Variants in MCUB observed in about 807,000 individuals in gnomAD.
The protein encoded by MCUB is mitochondrial calcium uniporter dominant negative subunit beta, also known as calcium uniporter regulatory subunit MCUb, mitochondrial.
Under a neutral mutation model 41.4 loss-of-function variants are expected in MCUB, and 46 were observed. The observed-to-expected ratio is 1.11, with a 90% CI of 0.88 to 1.42. The LOEUF is 1.42. Among genes scored for constraint, MCUB ranks in the 40% most tolerant of loss-of-function variants. The pLI, the probability that MCUB is intolerant of heterozygous loss-of-function variation, is 0.00. For missense variants in MCUB, 403 were observed against 404.9 expected (o/e 1.00, Z 0.04); for synonymous variants, 148 against 148.2 (o/e 1.00, Z 0.01).
intron 1 of MCUB, among the ~76,000 whole-genome samples, chr4:109,599,710 G>A (rs1438833017): frequency 3.3e-5 from 5 of 150,912 alleles, no homozygotes; most frequent in Admixed American, 6.6e-5. Flanking sequence ...TCGCTCTGTC[G>A]CCCAGGCTGG....
In MCUB at chr4:109,603,499, G is replaced by T. The variant is rs192277579; in HGVS notation, c.99+43063G>T. Reference sequence around the variant, plus strand: ...GCCTCCCAAAGTGCTGAAGATTGCAGCCTCTGCCCGGCCGCCACCCCGTCT... The same window carrying T: ...GCCTCCCAAAGTGCTGAAGATTGCATCCTCTGCCCGGCCGCCACCCCGTCT... On this transcript the variant is annotated intron_variant, in intron 1 of 7. Coordinates refer to ENST00000394650, the MANE Select transcript of MCUB (RefSeq NM_017918.5). Among the ~76,000 whole-genome samples the T allele has an allele frequency of 4.6e-3, 708 of 152,294 alleles. 3 individuals carry two copies. Among genetic ancestry groups the T allele is most frequent in the Non-Finnish European group, 7.2e-3 (491 of 68,018 alleles).
In MCUB at chr4:109,612,889, A is replaced by G. The variant is rs191232927; in HGVS notation, c.100-46122A>G. Among the ~76,000 whole-genome samples the G allele has an allele frequency of 5.5e-3, 842 of 152,182 alleles. 1 individual carries two copies. Among genetic ancestry groups the G allele is most frequent in the African/African-American group, 7.0e-3 (291 of 41,546 alleles). On this transcript the variant is annotated intron_variant, in intron 1 of 7. Transcript: ENST00000394650. ...TGGGAGGCCAAGGCGGGCGGATCAC[A>G]AGGTCAGGAGATCAAGACCATCCTG...
chr4:109,603,609 G>T (rs1044079360), intron 1 of MCUB, among the ~76,000 whole-genome samples: 2 of 151,758 alleles, frequency 1.3e-5, no homozygotes, highest in Non-Finnish European at 2.9e-5. Flanking sequence ...TGTCTGGGAG[G>T]TGAGGAGCGC....
intron 1 of MCUB, among the ~76,000 whole-genome samples, chr4:109,570,545 A>G (rs902440229): frequency 1.3e-5 from 2 of 152,260 alleles, no homozygotes; most frequent in Non-Finnish European, 2.9e-5. Context: ...AAAAGCAGCC[A>G]TAAATAGTAC....
intron 1 of MCUB, among the ~76,000 whole-genome samples, chr4:109,589,962 T>C (rs900842531): frequency 2.6e-5 from 4 of 152,250 alleles, no homozygotes; most frequent in African/African-American, 9.6e-5. Flanking sequence ...TTCCTCTAGT[T>C]GATACAGATC....
At chr4:109,614,156 C>T (rs530858268) in intron 1 of MCUB, among the ~76,000 whole-genome samples, 7 of 152,320 alleles carry the variant, frequency 4.6e-5, no homozygotes, top group African/African-American at 1.7e-4. Context: ...CATTAACCCC[C>T]TCCCAGTGCC....
chr4:109,684,761 T>C, intron 6 of MCUB, 115 bp downstream of exon 6: 1 of 609,950 alleles, frequency 1.6e-6, no homozygotes, highest in South Asian at 2.1e-5. Flanking sequence ...CTGGTTTTTA[T>C]GAGCTGGTAA....
intron 1 of MCUB, among the ~76,000 whole-genome samples, chr4:109,631,249 C>T (rs906833448): frequency 7.2e-5 from 11 of 152,202 alleles, no homozygotes; most frequent in African/African-American, 1.2e-4. Context: ...ACACTACACA[C>T]GGGCACTTGA....
At chr4:109,575,326 C>T (rs903835489) in intron 1 of MCUB, among the ~76,000 whole-genome samples, 1 of 152,146 alleles carries the variant, frequency 6.6e-6, no homozygotes, top group African/African-American at 2.4e-5. Context: ...TTTGTTTTAG[C>T]TTTTTATTGA....
intron 1 of MCUB, among the ~76,000 whole-genome samples, chr4:109,613,654 T>C (rs1294722379): frequency 6.6e-6 from 1 of 152,214 alleles, no homozygotes; most frequent in Non-Finnish European, 1.5e-5. Flanking sequence ...CATCATTTTT[T>C]CCATACCATT....
Position 109,676,239 on chromosome 4 carries a change from G to C in MCUB, c.452-6343G>C, listed in dbSNP as rs143362137. ...TTAAGTGGTCATGATCAGAATGTTT[G>C]TAGAAATATCGATGGTAGGCTGGGT... On this transcript the variant is annotated intron_variant, in intron 4 of 7. Transcript: ENST00000394650. 4.6e-5 allele frequency among the ~76,000 whole-genome samples: 7 copies of C among 152,298 alleles called. No individual in the cohort carries two copies. In the East Asian group the frequency reaches 1.3e-3, roughly 29 times the overall value.
chr4:109,653,447 A>T (rs1442159442), intron 1 of MCUB, among the ~76,000 whole-genome samples: 1 of 151,574 alleles, frequency 6.6e-6, no homozygotes, highest in African/African-American at 2.4e-5. Context: ...CATTCTTGCC[A>T]GCAATATATG....
intron 1 of MCUB, among the ~76,000 whole-genome samples, chr4:109,572,850 G>A (rs180993241): frequency 2.0e-5 from 3 of 152,146 alleles, no homozygotes; most frequent in Admixed American, 6.5e-5. Context: ...GATTGCCATA[G>A]CTACATTATA....
intron 1 of MCUB, among the ~76,000 whole-genome samples, chr4:109,657,803 G>C (rs1025378123): frequency 4.6e-5 from 7 of 152,208 alleles, no homozygotes; most frequent in Non-Finnish European, 1.0e-4. Flanking sequence ...AACATGTTCC[G>C]TGGTGAGGTG....
At chr4:109,588,808 A>G (rs950099934) in intron 1 of MCUB, among the ~76,000 whole-genome samples, 1 of 152,204 alleles carries the variant, frequency 6.6e-6, no homozygotes, top group African/African-American at 2.4e-5. Flanking sequence ...AGTCTACACC[A>G]TCAAATCTTG....
intron 1 of MCUB, among the ~76,000 whole-genome samples, chr4:109,619,030 GCCTA>G (rs762220634): frequency 0.075 from 8,884 of 118,454 alleles, 430 homozygotes; most frequent in African/African-American, 0.16. Context: ...CTACCTGCCT[GCCTA>G]CCTACCTACC....
At chr4:109,660,469 G>A in intron 3 of MCUB, 104 bp downstream of exon 3, 1 of 562,104 alleles carries the variant, frequency 1.8e-6, no homozygotes, top group Non-Finnish European at 3.1e-6. Flanking sequence ...TAATTCATTA[G>A]ATAATAAATG....
intron 3 of MCUB, among the ~76,000 whole-genome samples, chr4:109,660,741 A>G (rs1579088824): frequency 6.6e-6 from 1 of 151,954 alleles, no homozygotes; most frequent in African/African-American, 2.4e-5. Flanking sequence ...GCTTGAACCC[A>G]GGAGGCAGAG....
At chr4:109,621,379 G>A (rs868531496) in intron 1 of MCUB, among the ~76,000 whole-genome samples, 2 of 152,192 alleles carry the variant, frequency 1.3e-5, no homozygotes, top group South Asian at 4.1e-4. Flanking sequence ...TTATACAATT[G>A]AAGGCTACTC....
Sources: gnomAD v4.1 joint callset for allele counts (sites outside exome capture counted in the v4.1 genomes callset) on GRCh38, gnomAD v4.1.1 for gene constraint, MANE v1.5 for transcripts, NCBI Gene and HGNC (gene_info 2026-07-23, HGNC 2026-07-21) for gene names.